The following PALM variants were observed in gnomAD, a reference collection of about 807,000 sequenced individuals.
The protein encoded by PALM is paralemmin-1.
In PALM, 18 loss-of-function variants were observed where a neutral mutation model predicts 30.7. The ratio of observed to expected loss-of-function variants is 0.59; its 90% CI spans 0.41 to 0.87. The LOEUF (loss-of-function observed/expected upper bound fraction) is 0.87, where lower values mean the gene tolerates loss of function less well. Ranked by LOEUF, PALM falls within the 40% of genes least tolerant of loss-of-function variation. The pLI, the probability that PALM is intolerant of heterozygous loss-of-function variation, is 0.00. For synonymous variants in PALM, 286 were observed against 242.8 expected (o/e 1.18, Z -1.66); for missense variants, 529 against 555.4 (o/e 0.95, Z 0.48).
intron 6 of PALM, 123 bp downstream of exon 6, chr19:734,317 T>C (rs767337799): frequency 1.1e-6 from 1 of 907,580 alleles, no homozygotes; most frequent in African/African-American, 1.7e-5. Flanking sequence ...CCCAGCACTT[T>C]GGGAGGCCGA....
intron 4 of PALM, among the ~76,000 whole-genome samples, chr19:729,015 A>G (rs533400930): frequency 6.6e-6 from 1 of 151,470 alleles, no homozygotes; most frequent in East Asian, 2.0e-4. Flanking sequence ...AAAAATAAAT[A>G]AATAAATAAA....
chr19:730,456 T>A (rs1599154003), intron 4 of PALM, among the ~76,000 whole-genome samples: 1 of 152,102 alleles, frequency 6.6e-6, no homozygotes, highest in South Asian at 2.1e-4. Context: ...AGTGACATGG[T>A]TTTTCCAGTT....
chr19:743,175 G>T (rs1390037344), intron 8 of PALM, among the ~76,000 whole-genome samples: 4 of 152,160 alleles, frequency 2.6e-5, no homozygotes, highest in Non-Finnish European at 4.4e-5. Context: ...CTGTCAGAGG[G>T]GTCCCCGCAG....
chr19:734,417 T>C, intron 6 of PALM: 2 of 554,316 alleles, frequency 3.6e-6, no homozygotes. Context: ...CAAAGACAAT[T>C]AGCCGGGTGT....
chr19:722,114 T>G (rs1319077514), intron 1 of PALM, among the ~76,000 whole-genome samples: 2 of 149,156 alleles, frequency 1.3e-5, no homozygotes, highest in Non-Finnish European at 3.0e-5. Context: ...GAGACGGGGT[T>G]TCACCGTGTT....
At chr19:727,261 CAACCT>C (rs139203852) in intron 3 of PALM, among the ~76,000 whole-genome samples, 173 bp downstream of exon 3, 15 of 89,830 alleles carry the variant, frequency 1.7e-4, no homozygotes, top group South Asian at 7.5e-4. Context: ...ACCCTGACCC[CAACCT>C]GACCCCGACC....
Position 734,155 on chromosome 19 carries a change from C to G in PALM, c.421-18C>G. 6.2e-7 allele frequency: 1 copy of G among 1,613,764 alleles called. No individual in the cohort carries two copies. Among genetic ancestry groups the G allele is most frequent in the Non-Finnish European group, 8.5e-7 (1 of 1,179,868 alleles). On this transcript the variant is annotated intron_variant, in intron 5 of 8. Transcript: ENST00000338448. ...GGGGATGCTGACGCCCCTGACCCTT[C>G]TCTCTTCTTTCTTGCAGACGCCGGT...
chr19:727,317 C>G (rs1422279514), intron 3 of PALM, among the ~76,000 whole-genome samples: 1 of 150,182 alleles, frequency 6.7e-6, no homozygotes, highest in Non-Finnish European at 1.5e-5. Context: ...TGACCCTGAT[C>G]TCAGTCCTGA....
intron 1 of PALM, among the ~76,000 whole-genome samples, chr19:718,854 G>C (rs941685498): frequency 1.3e-4 from 20 of 152,040 alleles, no homozygotes; most frequent in East Asian, 9.7e-4. Context: ...CTTGGACTCC[G>C]GGGCTTGGAG....
chr19:712,281 C>T (rs530443201), intron 1 of PALM, among the ~76,000 whole-genome samples: 53 of 151,864 alleles, frequency 3.5e-4, no homozygotes, highest in African/African-American at 1.2e-3. Context: ...CCTCGGCCTC[C>T]CCAAAGTGTT....
chr19:716,911 G>A (rs768729955), intron 1 of PALM, among the ~76,000 whole-genome samples: 7 of 151,638 alleles, frequency 4.6e-5, no homozygotes, highest in South Asian at 4.2e-4. Flanking sequence ...CAGCTCAGGC[G>A]TTTTTAGTAC....
At chr19:736,887 C>T (rs917144727) in intron 7 of PALM, among the ~76,000 whole-genome samples, 1 of 152,188 alleles carries the variant, frequency 6.6e-6, no homozygotes, top group African/African-American at 2.4e-5. Context: ...AACCCCATCT[C>T]TACTAAAATA....
At chr19:723,428 C>T (rs1162998813) in intron 1 of PALM, among the ~76,000 whole-genome samples, 1 of 152,098 alleles carries the variant, frequency 6.6e-6, no homozygotes, top group African/African-American at 2.4e-5. Flanking sequence ...CTGGGCCTCC[C>T]CCTGTTGATG....
intron 5 of PALM, 26 bp from the exon 6 acceptor site, chr19:734,146 CT>C (rs776189986): frequency 1.1e-5 from 17 of 1,613,590 alleles, no homozygotes; most frequent in African/African-American, 5.3e-5. Context: ...GCTGACGCCC[CT>C]GACCCTTCTC....
chr19:711,673 T>C (rs868109834), intron 1 of PALM, among the ~76,000 whole-genome samples: 16 of 152,220 alleles, frequency 1.1e-4, no homozygotes, highest in Admixed American at 2.6e-4. Context: ...CGGTGGCTTC[T>C]GGTTTGCCCA....
chr19:725,250 T>C (rs549931008), intron 1 of PALM, among the ~76,000 whole-genome samples: 3 of 151,058 alleles, frequency 2.0e-5, no homozygotes, highest in African/African-American at 7.3e-5. Flanking sequence ...CTGCACTGGG[T>C]GGGCTGTTTT....
intron 3 of PALM, 151 bp downstream of exon 3, chr19:727,239 A>ACCCTGAC: frequency 1.7e-6 from 1 of 580,386 alleles, no homozygotes; most frequent in East Asian, 2.9e-5. Context: ...CCTGACCCCG[A>ACCCTGAC]CCCCGACCCC....
intron 4 of PALM, among the ~76,000 whole-genome samples, chr19:730,415 C>T (rs1245402677): frequency 1.3e-5 from 2 of 152,320 alleles, no homozygotes; most frequent in African/African-American, 2.4e-5. Flanking sequence ...CCTGGATCTG[C>T]TTGTCCCGTT....
At chr19:723,392 G>A (rs1313665161) in intron 1 of PALM, among the ~76,000 whole-genome samples, 7 of 151,996 alleles carry the variant, frequency 4.6e-5, no homozygotes, top group Non-Finnish European at 1.5e-5. Flanking sequence ...CTCACCCCTG[G>A]TTCCCGCCAG....
Sources: allele counts gnomAD v4.1 joint callset (sites outside exome capture counted in the v4.1 genomes callset), GRCh38; gene constraint gnomAD v4.1.1; transcripts MANE v1.5; gene names NCBI Gene and HGNC (gene_info 2026-07-23, HGNC 2026-07-21).